SLC51B: variants seen among roughly 807,000 people sequenced by gnomAD.
SLC51B encodes the protein organic solute transporter subunit beta.
Under a neutral mutation model 8.0 loss-of-function variants are expected in SLC51B, and 6 were observed. The observed-to-expected ratio is 0.75, with a 90% CI of 0.41 to 1.48. The LOEUF is 1.48. Ranked by LOEUF, SLC51B falls within the 40% of genes most tolerant of loss-of-function variation. The pLI is 0.01. For missense variants in SLC51B, 150 were observed against 149.7 expected (o/e 1.00, Z -0.01); for synonymous variants, 61 against 54.8 (o/e 1.11, Z -0.50).
intron 2 of SLC51B, among the ~76,000 whole-genome samples, chr15:65,050,307 G>A (rs182743044): frequency 2.0e-3 from 303 of 152,050 alleles, no homozygotes; most frequent in Admixed American, 3.2e-3. Context: ...GCTTATTTAT[G>A]CAGCCCTCCA....
intron 1 of SLC51B, among the ~76,000 whole-genome samples, chr15:65,047,377 T>G (rs1167920921): frequency 6.6e-6 from 1 of 151,288 alleles, no homozygotes; most frequent in Non-Finnish European, 1.5e-5. Context: ...AAAATATACA[T>G]AGAAATATAT....
At chr15:65,052,349 T>C (rs1444349292) in intron 3 of SLC51B, among the ~76,000 whole-genome samples, 2 of 151,084 alleles carry the variant, frequency 1.3e-5, no homozygotes, top group Admixed American at 1.3e-4. Flanking sequence ...GAACACAGGA[T>C]TCAAGAGTCA....
Position 65,050,077 on chromosome 15 carries a change from C to T in SLC51B, c.73C>T (p.Leu25Phe), listed in dbSNP as rs1239017425. The T allele has an allele frequency of 1.3e-6, 2 of 1,551,476 alleles. No individual in the cohort carries two copies. The highest frequency in any genetic ancestry group is 1.4e-5 in the African/African-American group (1 of 73,062). The part of the protein sequence containing the change: ...VVPQELLEEM[L>F]WFFRVEDASP... ...ACCCCAGGAGCTGCTGGAAGAGATG[C>T]TTTGGTTTTTTCGTGTGGAAGATGG... The change falls in exon 2 of 4, where the codon CTT (leucine) becomes TTT (phenylalanine). Residue 25 changes from leucine (L) to phenylalanine (F), a missense_variant. Coordinates refer to ENST00000334287, the MANE Select transcript of SLC51B (RefSeq NM_178859.4).
chr15:65,048,788 C>T (rs1011659594), intron 1 of SLC51B, among the ~76,000 whole-genome samples: 4 of 152,156 alleles, frequency 2.6e-5, no homozygotes, highest in Non-Finnish European at 4.4e-5. Flanking sequence ...GCGGGTGGAT[C>T]ACCTGAGGTC....
Position 65,053,145 on chromosome 15 carries a change from T to G in SLC51B, c.368T>G (p.Val123Gly), listed in dbSNP as rs1480906378. The G allele has an allele frequency of 1.2e-6, 2 of 1,613,882 alleles. No homozygotes were observed. Among genetic ancestry groups the G allele is most frequent in the African/African-American group, 2.7e-5 (2 of 74,906 alleles). ...GTGCTGTCAGTTTTCCTTCCGGATGTACCAGAAACTGAGAGCTAGTGAGGG... is the reference window on the plus strand; with the variant it reads ...GTGCTGTCAGTTTTCCTTCCGGATGGACCAGAAACTGAGAGCTAGTGAGGG... ...RDVLSVFLPD[V>G]PETES is the part of the protein sequence containing the mutation. The change falls in exon 4 of 4, where the codon GTA (valine) becomes GGA (glycine). Residue 123 changes from valine (V) to glycine (G), a missense_variant. Coordinates refer to ENST00000334287, the MANE Select transcript of SLC51B (RefSeq NM_178859.4).
chr15:65,045,880 CTT>C (rs2086570340), intron 1 of SLC51B, among the ~76,000 whole-genome samples: 1 of 152,204 alleles, frequency 6.6e-6, no homozygotes, highest in South Asian at 2.1e-4. Flanking sequence ...AGAAATATGT[CTT>C]TGGCCGGGCG....
chr15:65,047,620 A>G (rs2086593439), intron 1 of SLC51B, among the ~76,000 whole-genome samples: 1 of 152,156 alleles, frequency 6.6e-6, no homozygotes, highest in South Asian at 2.1e-4. Context: ...CAATCCAGGC[A>G]CTCTTACATC....
intron 2 of SLC51B, among the ~76,000 whole-genome samples, chr15:65,051,022 T>G (rs1325032048): frequency 1.3e-5 from 2 of 151,976 alleles, no homozygotes; most frequent in African/African-American, 4.8e-5. Flanking sequence ...TTTTGTATTT[T>G]TAGTAGAGAC....
chr15:65,050,836 C>CTTCTTTTT (rs759242705), intron 2 of SLC51B, among the ~76,000 whole-genome samples: 3 of 95,650 alleles, frequency 3.1e-5, no homozygotes, highest in African/African-American at 1.3e-4. Flanking sequence ...TCTTCTTCTT[C>CTTCTTTTT]TTTTTTTTTT....
In SLC51B at chr15:65,053,395, G is replaced by A; in HGVS notation, c.*231G>A. On this transcript the variant is annotated 3_prime_UTR_variant, in exon 4 of 4. Coordinates refer to ENST00000334287, the MANE Select transcript of SLC51B (RefSeq NM_178859.4). The stretch of plus-strand genomic sequence containing the variant: ...CTCCTGGAAGGGAGCAGGTGGTATT[G>A]CATAGTTTGTTCAGATGGCAGTGGT... 7.4e-7 allele frequency: 1 copy of A among 1,350,138 alleles called. No individual in the cohort carries two copies. The highest frequency in any genetic ancestry group is 9.5e-7 in the Non-Finnish European group (1 of 1,053,094). 83.6% of individuals were successfully genotyped at this position (1,350,138 alleles called of 1,614,324 possible).
intron 1 of SLC51B, among the ~76,000 whole-genome samples, chr15:65,048,089 G>A (rs1024685781): frequency 5.9e-5 from 9 of 151,920 alleles, no homozygotes; most frequent in African/African-American, 9.7e-5. Context: ...AGGCACAAAC[G>A]AGAACCGCTT....
chr15:65,053,084 T>C lies in SLC51B; in HGVS notation c.307T>C (p.Leu103=), dbSNP rs1359603444. The C allele has an allele frequency of 1.9e-6, 3 of 1,613,964 alleles. No homozygotes were observed. The highest frequency in any genetic ancestry group is 2.5e-6 in the Non-Finnish European group (3 of 1,180,030). The change falls in exon 4 of 4, where the codon TTG becomes CTG. Residue 103 remains leucine (L), a synonymous_variant. Transcript: ENST00000334287. The part of the protein sequence containing the change: ...RETLLSEKPN[L]AQVELELKER... ...AACTTTGCTCTCAGAAAAGCCAAAC[T>C]TGGCCCAGGTGGAACTTGAGTTAAA...
intron 1 of SLC51B, among the ~76,000 whole-genome samples, chr15:65,046,364 G>A (rs2086577267): frequency 6.6e-6 from 1 of 152,130 alleles, no homozygotes; most frequent in South Asian, 2.1e-4. Flanking sequence ...CAGCTACTTG[G>A]GAGGCTGAGG....
At chr15:65,048,244 C>G (rs1384894269) in intron 1 of SLC51B, among the ~76,000 whole-genome samples, 3 of 151,852 alleles carry the variant, frequency 2.0e-5, no homozygotes, top group Non-Finnish European at 2.9e-5. Context: ...TGACTTCCAT[C>G]TCCACCTTGG....
chr15:65,050,060 A>G lies in SLC51B; in HGVS notation c.56A>G (p.Glu19Gly), dbSNP rs1368779222. Residue 19 changes from glutamate to glycine, a missense_variant, in exon 2 of 4, where the codon GAG (glutamate) becomes GGG (glycine). Physicochemically the swap from Glu to Gly is moderately conservative, Grantham distance 98 (BLOSUM62 -2). Transcript: ENST00000334287. ...CCAGCCGGTACTGTGGTACCCCAGG[A>G]GCTGCTGGAAGAGATGCTTTGGTTT... ...GDPAGTVVPQ[E>G]LLEEMLWFFR... is the part of the protein sequence containing the mutation. 6.4e-7 allele frequency: 1 copy of G among 1,551,750 alleles called. No homozygotes were observed. The highest frequency in any genetic ancestry group is 2.0e-5 in the Admixed American group (1 of 51,002).
chr15:65,052,402 T>C (rs1333897301), intron 3 of SLC51B, among the ~76,000 whole-genome samples: 1 of 43,338 alleles, frequency 2.3e-5, no homozygotes, highest in Admixed American at 2.7e-4. Context: ...TCCTTGGCTT[T>C]TTTTTTTTTT....
At position 65,051,618 on chromosome 15, in the gene SLC51B, T is replaced by C. The variant is rs2086654131; in HGVS notation, c.188+13T>C. The C allele has an allele frequency of 6.2e-7, 1 of 1,612,196 alleles. No homozygotes were observed. Among genetic ancestry groups the C allele is most frequent in the East Asian group, 2.2e-5 (1 of 44,812 alleles). ...TCCAGGCAAGCAGGTGAGGAGCTGG[T>C]CCTGGGGGGATGGGGTGGTCTCTGT... On this transcript the variant is annotated intron_variant, in intron 3 of 3. Transcript: ENST00000334287.
intron 2 of SLC51B, among the ~76,000 whole-genome samples, chr15:65,050,897 T>C (rs1234763494): frequency 1.5e-5 from 2 of 137,264 alleles, no homozygotes; most frequent in African/African-American, 5.4e-5. Flanking sequence ...CAGGCTGGAG[T>C]GCAGTGGTGC....
intron 1 of SLC51B, among the ~76,000 whole-genome samples, chr15:65,048,387 T>C (rs1008888757): frequency 2.0e-5 from 3 of 152,220 alleles, no homozygotes; most frequent in African/African-American, 7.2e-5. Flanking sequence ...AACTCTGATG[T>C]AAAGCTAGTC....
Sources: gnomAD v4.1 joint callset for allele counts (sites outside exome capture counted in the v4.1 genomes callset) on GRCh38, gnomAD v4.1.1 for gene constraint, MANE v1.5 for transcripts, NCBI Gene and HGNC (gene_info 2026-07-23, HGNC 2026-07-21) for gene names.